The following NOS1AP variants were observed in gnomAD, a reference collection of about 807,000 sequenced individuals.
NOS1AP encodes the protein nitric oxide synthase 1 adaptor protein.
A neutral mutation model predicts 56.2 loss-of-function variants in NOS1AP; 21 were observed. That is an observed-to-expected ratio of 0.37 (90% CI 0.26 to 0.54). The LOEUF is 0.54. NOS1AP is among the 20% of genes least tolerant of loss of function. The probability of loss-of-function intolerance (pLI) is 0.84; values close to 1 mark genes in which losing one functional copy is unlikely to be tolerated. For missense variants in NOS1AP, 522 were observed against 657.8 expected, an observed-to-expected ratio of 0.79 and a Z score of 2.26; for synonymous variants, 270 against 274.6, an observed-to-expected ratio of 0.98 and a Z score of 0.17.
intron 2 of NOS1AP, among the ~76,000 whole-genome samples, chr1:162,173,218 G>A (rs1650886148): frequency 6.6e-6 from 1 of 152,144 alleles, no homozygotes; most frequent in South Asian, 2.1e-4. Flanking sequence ...TGCCCAGGCT[G>A]GTCCTGATCT....
At chr1:162,131,180 G>A (rs1268576889) in intron 1 of NOS1AP, among the ~76,000 whole-genome samples, 2 of 152,054 alleles carry the variant, frequency 1.3e-5, no homozygotes, top group Non-Finnish European at 2.9e-5. Flanking sequence ...TCTGTGCTAG[G>A]TGCTAGGTTT....
intron 3 of NOS1AP, among the ~76,000 whole-genome samples, chr1:162,292,829 T>G (rs560482865): frequency 3.3e-4 from 50 of 152,322 alleles, no homozygotes; most frequent in Middle Eastern, 6.8e-3. Context: ...AAGGAGGCAC[T>G]CAGAATTATA....
intron 2 of NOS1AP, among the ~76,000 whole-genome samples, chr1:162,197,998 T>G (rs1651863487): frequency 6.6e-6 from 1 of 152,242 alleles, no homozygotes; most frequent in Non-Finnish European, 1.5e-5. Flanking sequence ...TGTGTCTTCA[T>G]CCTACCTGCC....
intron 2 of NOS1AP, among the ~76,000 whole-genome samples, chr1:162,184,296 G>A (rs531961756): frequency 1.2e-4 from 19 of 152,180 alleles, no homozygotes; most frequent in Non-Finnish European, 2.5e-4. Flanking sequence ...TAACAATAAC[G>A]ATCACTAATC....
At chr1:162,336,289 A>G (rs925512552) in intron 5 of NOS1AP, among the ~76,000 whole-genome samples, 7 of 152,294 alleles carry the variant, frequency 4.6e-5, no homozygotes, top group African/African-American at 1.7e-4. Context: ...ATGGGGCCTA[A>G]AGGTACATAA....
intron 2 of NOS1AP, among the ~76,000 whole-genome samples, chr1:162,170,090 C>T (rs748273470): frequency 6.6e-6 from 1 of 152,188 alleles, no homozygotes; most frequent in Non-Finnish European, 1.5e-5. Context: ...GGTATTTTAG[C>T]TCACTTTATG....
chr1:162,215,540 C>T (rs528791007), intron 2 of NOS1AP, among the ~76,000 whole-genome samples: 1 of 152,232 alleles, frequency 6.6e-6, no homozygotes, highest in Non-Finnish European at 1.5e-5. Context: ...AGGAGACAGT[C>T]TGAGTGGCAG....
At chr1:162,208,541 G>C (rs1014216792) in intron 2 of NOS1AP, among the ~76,000 whole-genome samples, 1 of 152,132 alleles carries the variant, frequency 6.6e-6, no homozygotes, top group African/African-American at 2.4e-5. Flanking sequence ...CCAGATAATT[G>C]TTTGTTGTAA....
intron 2 of NOS1AP, among the ~76,000 whole-genome samples, chr1:162,261,465 A>G (rs1181597526): frequency 8.9e-5 from 1 of 11,232 alleles, no homozygotes; most frequent in African/African-American, 2.7e-4. Context: ...GGCAGCGGGG[A>G]GTCAGAGAGA....
intron 6 of NOS1AP, among the ~76,000 whole-genome samples, chr1:162,347,822 T>C (rs1657352429): frequency 6.6e-6 from 1 of 152,184 alleles, no homozygotes; most frequent in African/African-American, 2.4e-5. Flanking sequence ...ATATAGTAAG[T>C]ATCATGGACT....
intron 4 of NOS1AP, among the ~76,000 whole-genome samples, chr1:162,307,721 G>A (rs1051868743): frequency 1.3e-5 from 2 of 152,150 alleles, no homozygotes; most frequent in African/African-American, 4.8e-5. Context: ...TGAGGCAGGA[G>A]AGTGGCGTGA....
intron 2 of NOS1AP, among the ~76,000 whole-genome samples, chr1:162,160,604 C>T (rs1411058047): frequency 6.6e-6 from 1 of 152,108 alleles, no homozygotes; most frequent in Non-Finnish European, 1.5e-5. Flanking sequence ...TATTTTACCT[C>T]CTCTGGGAGG....
chr1:162,256,439 C>T (rs1045235572), intron 2 of NOS1AP, among the ~76,000 whole-genome samples: 1 of 152,148 alleles, frequency 6.6e-6, no homozygotes, highest in African/African-American at 2.4e-5. Context: ...TGGGATTTTC[C>T]CTTGTTGGCC....
At chr1:162,131,922 C>T (rs1168470452) in intron 1 of NOS1AP, among the ~76,000 whole-genome samples, 1 of 152,224 alleles carries the variant, frequency 6.6e-6, no homozygotes, top group African/African-American at 2.4e-5. Flanking sequence ...AACTGTGAAA[C>T]AGAGGTAGCA....
rs1651510468 is a variant in NOS1AP at position 162,188,405 on chromosome 1, T to C, written c.177+33929T>C. On this transcript the variant is annotated intron_variant, in intron 2 of 9. Coordinates refer to ENST00000361897, the MANE Select transcript of NOS1AP (RefSeq NM_014697.3). The surrounding 1 kb of genome is among the most constrained non-coding windows in gnomAD (Gnocchi z 4.0). ...TCTTTATAGGCCATTTCCATAATGCTTGATTAATGCTCTGTTGTTAATATC... is the reference window on the plus strand; with the variant it reads ...TCTTTATAGGCCATTTCCATAATGCCTGATTAATGCTCTGTTGTTAATATC... Among the ~76,000 whole-genome samples, 1 of 152,212 alleles carries C rather than the reference T, an allele frequency of 6.6e-6. No homozygotes were observed.
chr1:162,333,041 C>T lies in NOS1AP; in HGVS notation c.369C>T (p.Ser123=). 1 of 1,613,542 alleles carries T rather than the reference C, an allele frequency of 6.2e-7. No individual in the cohort carries two copies. Among genetic ancestry groups the T allele is most frequent in the Non-Finnish European group, 8.5e-7 (1 of 1,179,518 alleles). ...IYRIFYVSHD[S]QDLKIFSYIA... Reference sequence around the variant, plus strand: ...GGATCTTCTATGTCTCTCATGATTCCCAAGACTTGAAGATCTTCAGCTATA... The same window carrying T: ...GGATCTTCTATGTCTCTCATGATTCTCAAGACTTGAAGATCTTCAGCTATA... The change falls in exon 5 of 10, where the codon TCC becomes TCT. Residue 123 remains serine, a synonymous_variant. Transcript: ENST00000361897.
At chr1:162,358,421 G>A (rs1037479457) in intron 8 of NOS1AP, among the ~76,000 whole-genome samples, 1 of 152,158 alleles carries the variant, frequency 6.6e-6, no homozygotes, top group African/African-American at 2.4e-5. Context: ...ATGGGACACA[G>A]CTCTCAAGTT....
intron 1 of NOS1AP, among the ~76,000 whole-genome samples, chr1:162,101,565 T>A (rs1044972856): frequency 1.3e-5 from 2 of 152,226 alleles, no homozygotes; most frequent in Non-Finnish European, 2.9e-5. Flanking sequence ...ATTCTACCTA[T>A]CCATGAGGAT....
At chr1:162,217,539 A>G (rs1652623029) in intron 2 of NOS1AP, among the ~76,000 whole-genome samples, 1 of 152,054 alleles carries the variant, frequency 6.6e-6, no homozygotes, top group South Asian at 2.1e-4. Context: ...TGCTGGGATT[A>G]CAGGCGTGAG....
Sources: gnomAD v4.1 joint callset for allele counts (sites outside exome capture counted in the v4.1 genomes callset) on GRCh38, gnomAD v4.1.1 for gene constraint, Gnocchi (gnomAD v3.1) non-coding constraint, MANE v1.5 for transcripts, NCBI Gene and HGNC (gene_info 2026-07-23, HGNC 2026-07-21) for gene names.